ARHGAP40: variants seen among roughly 807,000 people sequenced by gnomAD.
ARHGAP40 encodes the protein Rho GTPase activating protein 40, also known as rho GTPase-activating protein 40.
ARHGAP40 carries 43 observed loss-of-function variants against 73.5 expected under a neutral mutation model. The ratio of observed to expected loss-of-function variants is 0.58; its 90% confidence interval spans 0.46 to 0.75. The LOEUF is 0.75. ARHGAP40 is among the 30% of genes least tolerant of loss of function. The pLI is 0.00. For missense variants in ARHGAP40, 734 were observed against 861.8 expected, an observed-to-expected ratio of 0.85 and a Z score of 1.86; for synonymous variants, 300 against 352.8, an observed-to-expected ratio of 0.85 and a Z score of 1.68.
chr20:38,615,467 C>T, intron 1 of ARHGAP40: 1 of 691,976 alleles, frequency 1.4e-6, no homozygotes, highest in South Asian at 1.5e-5. Flanking sequence ...TCGACCTCGG[C>T]CACGTCCATG....
At chr20:38,639,797 T>A (rs1339736545) in intron 9 of ARHGAP40, among the ~76,000 whole-genome samples, 1 of 152,276 alleles carries the variant, frequency 6.6e-6, no homozygotes, top group East Asian at 1.9e-4. Context: ...CAGATCAGCA[T>A]GTGTTGCACG....
intron 6 of ARHGAP40, 145 bp from the exon 7 acceptor site, chr20:38,637,563 G>T (rs1317928394): frequency 2.0e-5 from 10 of 491,818 alleles, no homozygotes; most frequent in Non-Finnish European, 3.7e-5. Flanking sequence ...CAAGAGGAGC[G>T]GTTTGGGTCC....
intron 3 of ARHGAP40, among the ~76,000 whole-genome samples, chr20:38,627,861 T>C (rs1042162793): frequency 2.6e-5 from 4 of 152,202 alleles, no homozygotes; most frequent in Admixed American, 6.5e-5. Flanking sequence ...GTTCTTTCTA[T>C]ATAATTGTTA....
chr20:38,644,862 T>A (rs1459530920), intron 11 of ARHGAP40, among the ~76,000 whole-genome samples: 1 of 151,566 alleles, frequency 6.6e-6, no homozygotes, highest in Non-Finnish European at 1.5e-5. Context: ...CATCCATCCA[T>A]CCACTCATCT....
At chr20:38,614,562 C>T (rs1428550008) in intron 1 of ARHGAP40, among the ~76,000 whole-genome samples, 1 of 152,214 alleles carries the variant, frequency 6.6e-6, no homozygotes, top group Non-Finnish European at 1.5e-5. Context: ...TATATCTACA[C>T]CTACCAGTCA....
At chr20:38,647,044 G>A (rs938980542) in exon 13 of ARHGAP40, 13 of 1,305,290 alleles carry the variant, frequency 1.0e-5, no homozygotes, top group Middle Eastern at 2.1e-4. Flanking sequence ...AGTGGCCCAC[G>A]TCCTGAGGCA....
chr20:38,605,198 T>C (rs2088764048), intron 1 of ARHGAP40, among the ~76,000 whole-genome samples: 1 of 152,214 alleles, frequency 6.6e-6, no homozygotes, highest in African/African-American at 2.4e-5. Context: ...GCTGGCTTGT[T>C]GTAGGTGTTC....
chr20:38,627,171 C>T lies in ARHGAP40; in HGVS notation c.514C>T (p.Pro172Ser), dbSNP rs770913579. The stretch of plus-strand genomic sequence containing the variant: ...CTCAGTGCGAAGACAACACAAGACA[C>T]CTGTCAGAGATGTCAGGGATGTCTT... Residue 172 changes from proline to serine, a missense_variant, in exon 3 of 15, where the codon CCT (proline) becomes TCT (serine). Coordinates refer to ENST00000373345, the Ensembl canonical transcript of ARHGAP40. 1.7e-5 allele frequency: 22 copies of T among 1,305,352 alleles called. No homozygotes were observed. Among genetic ancestry groups the T allele is most frequent in the Non-Finnish European group, 1.0e-6 (1 of 988,974 alleles). 80.9% of individuals were successfully genotyped at this position (1,305,352 alleles called of 1,614,324 possible).
At chr20:38,608,709 G>A (rs1317835824) in intron 1 of ARHGAP40, among the ~76,000 whole-genome samples, 5 of 152,018 alleles carry the variant, frequency 3.3e-5, no homozygotes, top group African/African-American at 9.7e-5. Flanking sequence ...CCGTTGGGGC[G>A]GTGAAAAAGG....
chr20:38,610,007 C>T (rs1275326668), intron 1 of ARHGAP40, among the ~76,000 whole-genome samples: 1 of 152,226 alleles, frequency 6.6e-6, no homozygotes, highest in Admixed American at 6.5e-5. Context: ...ATGCCTCACC[C>T]CTAGGCCAGC....
At chr20:38,634,078 G>C (rs2088958256) in intron 5 of ARHGAP40, among the ~76,000 whole-genome samples, 1 of 152,152 alleles carries the variant, frequency 6.6e-6, no homozygotes, top group Non-Finnish European at 1.5e-5. Context: ...TGAGGTCGTT[G>C]CCGTGGCTCA....
At chr20:38,640,582 G>A (rs1345553590) in intron 9 of ARHGAP40, among the ~76,000 whole-genome samples, 2 of 152,050 alleles carry the variant, frequency 1.3e-5, no homozygotes, top group Admixed American at 6.5e-5. Context: ...ACCCTCCACA[G>A]CACTCTTGTA....
chr20:38,614,999 C>T (rs1238824797), intron 1 of ARHGAP40: 8 of 1,200,636 alleles, frequency 6.7e-6, no homozygotes, highest in Non-Finnish European at 1.0e-5. Flanking sequence ...TGAGGAAAGT[C>T]CCGCTGGGGT....
chr20:38,615,239 C>A (rs2088828261), intron 1 of ARHGAP40: 2 of 772,362 alleles, frequency 2.6e-6, no homozygotes, highest in East Asian at 4.9e-5. Flanking sequence ...TTCTTCCTTT[C>A]ATTCATGATC....
chr20:38,611,894 A>ATT (rs201504358), intron 1 of ARHGAP40, among the ~76,000 whole-genome samples: 1 of 143,370 alleles, frequency 7.0e-6, no homozygotes, highest in East Asian at 2.1e-4. Flanking sequence ...AATTTTTGTA[A>ATT]TTTTTTTTTT....
chr20:38,634,850 T>A, intron 6 of ARHGAP40, 65 bp downstream of exon 6: 1 of 1,184,258 alleles, frequency 8.4e-7, no homozygotes, highest in Non-Finnish European at 1.1e-6. Context: ...GAACACGGAC[T>A]CTCCCAGCAA....
intron 1 of ARHGAP40, among the ~76,000 whole-genome samples, chr20:38,622,054 A>AAAAAAC (rs11482583): frequency 7.0e-6 from 1 of 143,872 alleles, no homozygotes; most frequent in Non-Finnish European, 1.5e-5. Flanking sequence ...ACCTTGCCTC[A>AAAAAAC]AAAAACAAAA....
At chr20:38,638,184 G>A (rs1461525391) in intron 7 of ARHGAP40, among the ~76,000 whole-genome samples, 1 of 151,380 alleles carries the variant, frequency 6.6e-6, no homozygotes, top group Non-Finnish European at 1.5e-5. Context: ...GTGTAGTGGC[G>A]GGCACCTGTA....
intron 13 of ARHGAP40, among the ~76,000 whole-genome samples, chr20:38,647,453 C>G (rs949245435): frequency 1.1e-4 from 16 of 152,112 alleles, no homozygotes; most frequent in African/African-American, 3.9e-4. Context: ...TGCAGTGGCT[C>G]GATCTTGGCT....
Sources: gnomAD v4.1 joint callset for allele counts (sites outside exome capture counted in the v4.1 genomes callset) on GRCh38, gnomAD v4.1.1 for gene constraint, MANE v1.5 for transcripts, NCBI Gene and HGNC (gene_info 2026-07-23, HGNC 2026-07-21) for gene names.